The following KLF12 variants were observed in gnomAD, a reference collection of about 807,000 sequenced individuals.
The protein encoded by KLF12 is Krueppel-like factor 12.
A neutral mutation model predicts 37.8 loss-of-function variants in KLF12; 9 were observed. That is an observed-to-expected ratio of 0.24 (90% CI 0.14 to 0.42). The LOEUF (loss-of-function observed/expected upper bound fraction) is 0.42, where lower values mean the gene tolerates loss of function less well. Ranked by LOEUF, KLF12 falls within the 10% of genes least tolerant of loss-of-function variation. KLF12 has a pLI of 1.00. For synonymous variants in KLF12, 208 were observed against 202.1 expected (o/e 1.03, Z -0.25); for missense variants, 411 against 516.0 (o/e 0.80, Z 1.97).
chr13:74,217,583 C>T, the KLF12 span, among the ~76,000 whole-genome samples: 2 of 151,948 alleles, frequency 1.3e-5, no homozygotes, highest in African/African-American at 2.4e-5. Context: ...AAAAATTAGC[C>T]GGGCGTGGTG....
intron 2 of KLF12, among the ~76,000 whole-genome samples, chr13:73,964,165 A>G (rs1251212154): frequency 6.6e-6 from 1 of 152,212 alleles, no homozygotes; most frequent in African/African-American, 2.4e-5. Context: ...TGGAAAAGTA[A>G]TATGTGTGAC....
chr13:73,965,653 C>T (rs904171428), intron 2 of KLF12, among the ~76,000 whole-genome samples: 2 of 152,194 alleles, frequency 1.3e-5, no homozygotes, highest in Admixed American at 6.5e-5. Context: ...ACAACATTCA[C>T]GCACATAACT....
chr13:74,295,898 C>T, the KLF12 span, among the ~76,000 whole-genome samples: 1 of 152,084 alleles, frequency 6.6e-6, no homozygotes, highest in African/African-American at 2.4e-5. Context: ...ACTGCAACCT[C>T]CACCTCCCAG....
the KLF12 span, among the ~76,000 whole-genome samples, chr13:74,179,947 T>G: frequency 6.6e-6 from 1 of 152,158 alleles, no homozygotes; most frequent in Non-Finnish European, 1.5e-5. Flanking sequence ...TGGGAAGAAA[T>G]AGCTTACAGG....
At chr13:74,163,004 A>T in the KLF12 span, among the ~76,000 whole-genome samples, 1 of 152,210 alleles carries the variant, frequency 6.6e-6, no homozygotes. Context: ...AAGAATGGAG[A>T]TAAAAGTGAA....
At chr13:74,185,309 G>T in the KLF12 span, among the ~76,000 whole-genome samples, 1 of 152,066 alleles carries the variant, frequency 6.6e-6, no homozygotes, top group African/African-American at 2.4e-5. Flanking sequence ...GGAATTTTTA[G>T]CAATAAACTT....
intron 5 of KLF12, among the ~76,000 whole-genome samples, chr13:73,779,914 T>C (rs1317838656): frequency 6.6e-6 from 1 of 152,218 alleles, no homozygotes; most frequent in Non-Finnish European, 1.5e-5. Context: ...GAAAACCTTC[T>C]GAGAAGGATT....
At chr13:73,888,818 TG>T (rs1455878942) in intron 3 of KLF12, among the ~76,000 whole-genome samples, 1 of 152,238 alleles carries the variant, frequency 6.6e-6, no homozygotes, top group African/African-American at 2.4e-5. Flanking sequence ...CTATCTGCCG[TG>T]CTTCATGCTC....
chr13:74,094,563 G>GCCTTTCCA (rs1212200913), intron 1 of KLF12, among the ~76,000 whole-genome samples: 5 of 151,410 alleles, frequency 3.3e-5, no homozygotes, highest in African/African-American at 1.2e-4. Context: ...GGTAGTAAAT[G>GCCTTTCCA]CCTTTCCACC....
chr13:73,898,462 T>C (rs1454905713), intron 3 of KLF12, among the ~76,000 whole-genome samples: 1 of 152,194 alleles, frequency 6.6e-6, no homozygotes, highest in Non-Finnish European at 1.5e-5. Context: ...GTCATAAATA[T>C]CTAGGGCCAG....
chr13:73,709,191 C>T (rs1419603939), intron 7 of KLF12, among the ~76,000 whole-genome samples: 10 of 152,174 alleles, frequency 6.6e-5, no homozygotes, highest in Non-Finnish European at 1.2e-4. Flanking sequence ...AAATGTACCT[C>T]TTTCAAATAC....
chr13:74,208,577 CT>C, the KLF12 span, among the ~76,000 whole-genome samples: 1 of 152,106 alleles, frequency 6.6e-6, no homozygotes, highest in Non-Finnish European at 1.5e-5. Context: ...TCCAAAGACT[CT>C]TTCAAACTTC....
chr13:73,760,340 TCA>T (rs978248271), intron 6 of KLF12, among the ~76,000 whole-genome samples: 2 of 152,154 alleles, frequency 1.3e-5, no homozygotes, highest in African/African-American at 4.8e-5. Context: ...TATAGTTTTT[TCA>T]CAGAGTCTTG....
intron 2 of KLF12, among the ~76,000 whole-genome samples, chr13:73,987,845 G>A (rs1418474588): frequency 6.7e-6 from 1 of 149,914 alleles, no homozygotes; most frequent in Non-Finnish European, 1.5e-5. Context: ...AGGAAGTGGG[G>A]GAAGAGGAAA....
At chr13:73,888,623 C>CA (rs1887348026) in intron 3 of KLF12, among the ~76,000 whole-genome samples, 2 of 151,720 alleles carry the variant, frequency 1.3e-5, no homozygotes, top group East Asian at 1.9e-4. Context: ...AGTAATCATC[C>CA]AAAAAAATAA....
At chr13:73,789,974 C>T (rs1157872311) in intron 5 of KLF12, among the ~76,000 whole-genome samples, 1 of 152,134 alleles carries the variant, frequency 6.6e-6, no homozygotes, top group Non-Finnish European at 1.5e-5. Flanking sequence ...CCGTGCCTGG[C>T]CTCTAATTTT....
the KLF12 span, among the ~76,000 whole-genome samples, chr13:74,279,637 G>C: frequency 6.6e-6 from 1 of 152,052 alleles, no homozygotes; most frequent in South Asian, 2.1e-4. Context: ...GGGAACATCA[G>C]TTCTGTAACC....
chr13:74,195,222 GAATTT>G, the KLF12 span, among the ~76,000 whole-genome samples: 1 of 152,158 alleles, frequency 6.6e-6, no homozygotes, highest in East Asian at 1.9e-4. Flanking sequence ...ACAGACAGCA[GAATTT>G]AATTTAACTA....
At chr13:74,202,777 A>G in the KLF12 span, among the ~76,000 whole-genome samples, 1 of 152,154 alleles carries the variant, frequency 6.6e-6, no homozygotes, top group African/African-American at 2.4e-5. Context: ...TTTATGAGTT[A>G]GGCAACCTCA....
Sources: allele counts gnomAD v4.1 joint callset (sites outside exome capture counted in the v4.1 genomes callset), GRCh38; gene constraint gnomAD v4.1.1; transcripts MANE v1.5; gene names NCBI Gene and HGNC (gene_info 2026-07-23, HGNC 2026-07-21).